MGAT4D: variants seen among roughly 807,000 people sequenced by gnomAD.
MGAT4D encodes the protein MGAT4 family member D.
Under a neutral mutation model 15.9 loss-of-function variants are expected in MGAT4D, and 34 were observed. The observed-to-expected ratio is 2.14, with a 90% CI of 1.62 to 2.84. The LOEUF is 2.84. MGAT4D is among the 30% of genes most tolerant of loss of function. MGAT4D has a pLI of 0.00. For synonymous variants in MGAT4D, 112 were observed against 48.2 expected, an observed-to-expected ratio of 2.33 and a Z score of -5.49; for missense variants, 327 against 140.2, an observed-to-expected ratio of 2.33 and a Z score of -6.73.
At chr4:140,444,187 T>A (rs976642040) in intron 10 of MGAT4D, among the ~76,000 whole-genome samples, 2 of 152,196 alleles carry the variant, frequency 1.3e-5, no homozygotes, top group African/African-American at 4.8e-5. Context: ...GGGCATGACC[T>A]TAAGTAATAA....
intron 10 of MGAT4D, among the ~76,000 whole-genome samples, chr4:140,450,903 G>T (rs1263934586): frequency 6.6e-6 from 1 of 151,910 alleles, no homozygotes; most frequent in Non-Finnish European, 1.5e-5. Context: ...CTACACTAAG[G>T]GGCTAAGTTA....
chr4:140,451,439 ATGAATGTAT>A lies in MGAT4D; in HGVS notation c.1078_1086del (p.Ile360_Ser362del). On this transcript the variant is annotated inframe_deletion, in exon 10 of 11. Coordinates refer to ENST00000511113, the MANE Select transcript of MGAT4D (RefSeq NM_001277353.2). ...TCATATTGTTCTTTTCTAGGGAATG[ATGAATGTAT>A]ACCCACATGCTGGAAAAGAGAAGGT... 1.6e-6 allele frequency: 1 copy of A among 619,110 alleles called. No individual in the cohort carries two copies. Among genetic ancestry groups the A allele is most frequent in the Non-Finnish European group, 2.9e-6 (1 of 339,708 alleles). The allele number at this position is 619,110 out of a possible 1,614,324, so 38.4% of individuals were successfully genotyped here.
intron 1 of MGAT4D, among the ~76,000 whole-genome samples, chr4:140,495,710 T>C (rs969646092): frequency 6.6e-6 from 1 of 152,186 alleles, no homozygotes; most frequent in Non-Finnish European, 1.5e-5. Context: ...ATCCATAAAA[T>C]TTTGTTAATT....
intron 5 of MGAT4D, among the ~76,000 whole-genome samples, chr4:140,468,867 A>G (rs1322869032): frequency 5.9e-5 from 9 of 152,286 alleles, no homozygotes; most frequent in African/African-American, 2.2e-4. Flanking sequence ...TCTTTAAAAA[A>G]GGATTTTTAA....
intron 5 of MGAT4D, 97 bp downstream of exon 5, chr4:140,471,678 T>C (rs143503833): frequency 6.4e-6 from 2 of 313,676 alleles, no homozygotes; most frequent in African/African-American, 2.1e-5. Context: ...TTAAAAAGAA[T>C]ATGATCACTA....
chr4:140,451,309 C>A (rs1286945874), intron 10 of MGAT4D, 101 bp downstream of exon 10: 3 of 404,432 alleles, frequency 7.4e-6, no homozygotes, highest in East Asian at 7.1e-5. Flanking sequence ...GCTTAAACAA[C>A]CATATTTTAT....
intron 10 of MGAT4D, among the ~76,000 whole-genome samples, chr4:140,444,179 G>A (rs943572250): frequency 1.3e-5 from 2 of 152,040 alleles, no homozygotes; most frequent in Non-Finnish European, 2.9e-5. Flanking sequence ...AAAGTCAAGG[G>A]CATGACCTTA....
intron 9 of MGAT4D, among the ~76,000 whole-genome samples, chr4:140,453,959 T>C (rs1220614438): frequency 1.3e-5 from 2 of 152,094 alleles, no homozygotes; most frequent in Admixed American, 6.6e-5. Context: ...TTTGTGTGTA[T>C]AGACCTTGTA....
At chr4:140,448,016 A>G (rs1210825609) in intron 10 of MGAT4D, among the ~76,000 whole-genome samples, 1 of 152,142 alleles carries the variant, frequency 6.6e-6, no homozygotes, top group East Asian at 1.9e-4. Flanking sequence ...TTTCTTTTAG[A>G]ATGTTGAATA....
At position 140,486,556 on chromosome 4, in the gene MGAT4D, G is replaced by A. The variant is rs771269662; in HGVS notation, c.95-4071C>T. On this transcript the variant is annotated intron_variant, in intron 1 of 10. Transcript: ENST00000511113. The stretch of plus-strand genomic sequence containing the variant: ...CTCCCTGTGTCCATGTGTTCTCATT[G>A]TTCAAATAACTTATCACCACCACTT... 4.5e-4 allele frequency among the ~76,000 whole-genome samples: 68 copies of A among 152,098 alleles called. 1 individual carries two copies. Among genetic ancestry groups the A allele is most frequent in the Non-Finnish European group, 9.3e-4 (63 of 68,004 alleles).
At chr4:140,478,610 TG>T (rs1402236822) in intron 3 of MGAT4D, among the ~76,000 whole-genome samples, 1 of 152,142 alleles carries the variant, frequency 6.6e-6, no homozygotes, top group Non-Finnish European at 1.5e-5. Flanking sequence ...CCTATTGCAT[TG>T]GATTGTGAAG....
At chr4:140,471,242 CCTTCCTTCCTTCCTTCCT>C (rs1731929875) in intron 5 of MGAT4D, among the ~76,000 whole-genome samples, 1 of 107,070 alleles carries the variant, frequency 9.3e-6, no homozygotes, top group Admixed American at 1.0e-4. Flanking sequence ...TTCCTTCCTT[CCTTCCTTCCTTCCTTCCT>C]TCCTTCCTTC....
intron 1 of MGAT4D, among the ~76,000 whole-genome samples, chr4:140,492,463 A>G (rs1041429041): frequency 8.5e-5 from 13 of 152,254 alleles, no homozygotes; most frequent in Middle Eastern, 3.4e-3. Context: ...ACCTGTCTCT[A>G]TGAAAAATAC....
chr4:140,459,310 C>A, intron 8 of MGAT4D: 1 of 264,654 alleles, frequency 3.8e-6, no homozygotes, highest in Non-Finnish European at 7.1e-6. Context: ...TTTGATCTCT[C>A]TAGAAAAAAG....
chr4:140,487,781 A>G (rs1733238857), intron 1 of MGAT4D, among the ~76,000 whole-genome samples: 1 of 152,202 alleles, frequency 6.6e-6, no homozygotes, highest in African/African-American at 2.4e-5. Context: ...CAAACTAGTT[A>G]ACATAAAATA....
intron 4 of MGAT4D, 107 bp from the exon 5 acceptor site, chr4:140,471,928 C>T (rs1731992328): frequency 1.9e-5 from 5 of 263,902 alleles, no homozygotes; most frequent in South Asian, 1.4e-4. Context: ...AATGCTATTG[C>T]ATACTAATAA....
At chr4:140,485,526 A>G (rs1185785093) in intron 1 of MGAT4D, among the ~76,000 whole-genome samples, 3 of 152,074 alleles carry the variant, frequency 2.0e-5, no homozygotes, top group Non-Finnish European at 4.4e-5. Context: ...TATTGTGCTC[A>G]TGTACCCTAA....
chr4:140,455,269 CTG>C (rs1730726665), intron 9 of MGAT4D, among the ~76,000 whole-genome samples: 2 of 152,168 alleles, frequency 1.3e-5, no homozygotes. Flanking sequence ...CGTTGTAACA[CTG>C]TATTTTCATT....
intron 2 of MGAT4D, among the ~76,000 whole-genome samples, chr4:140,480,729 ACACACACACACAC>A (rs1732653616): frequency 2.1e-3 from 1 of 466 alleles, no homozygotes; most frequent in Non-Finnish European, 3.0e-3. Flanking sequence ...TCATCTCTAA[ACACACACACACAC>A]ACACACACAC....
Sources: allele counts gnomAD v4.1 joint callset (sites outside exome capture counted in the v4.1 genomes callset), GRCh38; gene constraint gnomAD v4.1.1; transcripts MANE v1.5; gene names NCBI Gene and HGNC (gene_info 2026-07-23, HGNC 2026-07-21).